The following NRF1 variants were observed in gnomAD, a reference collection of about 807,000 sequenced individuals.
The protein encoded by NRF1 is nuclear respiratory factor 1.
NRF1 carries 5 observed loss-of-function variants against 58.5 expected under a neutral mutation model. The observed-to-expected ratio is 0.09, with a 90% CI of 0.04 to 0.18. NRF1 has a LOEUF of 0.18. Among genes scored for constraint, NRF1 ranks in the 10% least tolerant of loss-of-function variants. NRF1 has a pLI of 1.00. For synonymous variants in NRF1, 224 were observed against 246.7 expected (o/e 0.91, Z 0.86); for missense variants, 288 against 657.7 (o/e 0.44, Z 6.15).
intron 9 of NRF1, among the ~76,000 whole-genome samples, chr7:129,720,559 C>T (rs757097650): frequency 6.6e-6 from 1 of 152,164 alleles, no homozygotes. Context: ...AAGCATGGTT[C>T]TCTAATAACC....
chr7:129,687,658 T>C (rs1160086248), intron 4 of NRF1, among the ~76,000 whole-genome samples: 3 of 152,232 alleles, frequency 2.0e-5, no homozygotes. Flanking sequence ...GAAATGGTGC[T>C]AAATGATTTG....
intron 8 of NRF1, among the ~76,000 whole-genome samples, chr7:129,714,112 A>C (rs1803135922): frequency 6.6e-6 from 1 of 152,240 alleles, no homozygotes; most frequent in Non-Finnish European, 1.5e-5. Flanking sequence ...GGAAATTCCG[A>C]AGAGATGCTG....
intron 1 of NRF1, among the ~76,000 whole-genome samples, chr7:129,624,920 A>G (rs1453976693): frequency 1.3e-5 from 2 of 152,150 alleles, no homozygotes; most frequent in Admixed American, 6.5e-5. Flanking sequence ...TTGGGAAGGC[A>G]ATAGGGAATG....
intron 1 of NRF1, among the ~76,000 whole-genome samples, chr7:129,631,004 C>A (rs1178345691): frequency 6.6e-6 from 1 of 152,072 alleles, no homozygotes; most frequent in Non-Finnish European, 1.5e-5. Context: ...ATGAAACACT[C>A]ATATGTTGTT....
intron 4 of NRF1, among the ~76,000 whole-genome samples, chr7:129,687,828 G>C (rs1278396701): frequency 6.6e-6 from 1 of 152,224 alleles, no homozygotes; most frequent in Non-Finnish European, 1.5e-5. Context: ...TGATAGATCA[G>C]ATAGAATTAA....
intron 2 of NRF1, among the ~76,000 whole-genome samples, chr7:129,664,922 T>G (rs768158868): frequency 2.0e-5 from 3 of 152,236 alleles, no homozygotes; most frequent in Admixed American, 6.5e-5. Flanking sequence ...AGTTTGTTTC[T>G]GAAGGAGCTT....
chr7:129,690,348 C>T, intron 4 of NRF1, 58 bp from the exon 5 acceptor site: 2 of 1,572,848 alleles, frequency 1.3e-6, no homozygotes, highest in Admixed American at 3.5e-5. Context: ...TGTTGCTTGG[C>T]ACCAATCCTC....
chr7:129,736,274 A>ATTTTTTTTTTTTTTTTTTTTTTTTTTTTT (rs61690883), intron 10 of NRF1, among the ~76,000 whole-genome samples: 1 of 97,960 alleles, frequency 1.0e-5, no homozygotes, highest in Non-Finnish European at 2.1e-5. Context: ...GCTCAATAGA[A>ATTTTTTTTTTTTTTTTTTTTTTTTTTTTT]TTTTTTTTTT....
At chr7:129,620,512 C>T (rs1231039123) in intron 1 of NRF1, among the ~76,000 whole-genome samples, 1 of 151,914 alleles carries the variant, frequency 6.6e-6, no homozygotes, top group African/African-American at 2.4e-5. Context: ...CCTCAGCCTC[C>T]CAAGCAGCTG....
chr7:129,749,824 GTTT>G (rs1025306147), intron 10 of NRF1, among the ~76,000 whole-genome samples: 2 of 146,254 alleles, frequency 1.4e-5, no homozygotes, highest in African/African-American at 2.5e-5. Context: ...CTGTGTTGAG[GTTT>G]TTTTTTTTAA....
At chr7:129,657,596 G>T in intron 2 of NRF1, 22 bp downstream of exon 2, 5 of 1,439,834 alleles carry the variant, frequency 3.5e-6, no homozygotes, top group Non-Finnish European at 4.8e-6. Flanking sequence ...TGGATTAGAA[G>T]CTCTTCTTTA....
At chr7:129,715,591 C>G (rs566176046) in intron 8 of NRF1, among the ~76,000 whole-genome samples, 1 of 152,112 alleles carries the variant, frequency 6.6e-6, no homozygotes, top group East Asian at 1.9e-4. Context: ...TAGGCATTTA[C>G]CCTATAAATA....
chr7:129,734,083 G>C (rs1445721830), intron 10 of NRF1, among the ~76,000 whole-genome samples: 1 of 152,040 alleles, frequency 6.6e-6, no homozygotes, highest in African/African-American at 2.4e-5. Flanking sequence ...CTCTGACCTA[G>C]GACATCAACA....
chr7:129,612,704 CTG>C (rs1051448717), intron 1 of NRF1, among the ~76,000 whole-genome samples: 7 of 152,156 alleles, frequency 4.6e-5, no homozygotes, highest in African/African-American at 1.7e-4. Context: ...GACAGGGGCT[CTG>C]AGATGGCCGT....
At chr7:129,754,335 C>T (rs894470255) in intron 10 of NRF1, among the ~76,000 whole-genome samples, 5 of 151,144 alleles carry the variant, frequency 3.3e-5, no homozygotes, top group African/African-American at 9.7e-5. Context: ...TGGTGGCACA[C>T]GCCTGTGGTT....
chr7:129,739,811 G>T (rs1803805612), intron 10 of NRF1, among the ~76,000 whole-genome samples: 1 of 152,130 alleles, frequency 6.6e-6, no homozygotes, highest in Admixed American at 6.6e-5. Flanking sequence ...TGCTGTAATG[G>T]ATTTATAGTA....
In NRF1 at chr7:129,663,862, C is replaced by T. The variant is rs538434499; in HGVS notation, c.223+6288C>T. Among the ~76,000 whole-genome samples, 287 of 152,310 alleles carry T rather than the reference C, an allele frequency of 1.9e-3. 3 individuals carry two copies. The highest frequency in any genetic ancestry group is 2.9e-3 in the Non-Finnish European group (194 of 68,018). ...ATTGAGCATTGAGTGAGCGAGACTC[C>T]GTCTGCAATCCCAGCACCTCGGGAG... is the stretch of plus-strand genomic sequence containing the variant. On this transcript the variant is annotated intron_variant, in intron 2 of 10. Transcript: ENST00000393232.
intron 1 of NRF1, among the ~76,000 whole-genome samples, chr7:129,617,640 G>A (rs1199599597): frequency 6.6e-6 from 1 of 152,016 alleles, no homozygotes; most frequent in East Asian, 1.9e-4. Flanking sequence ...GAAAGGTATG[G>A]GCTCAACTAG....
intron 2 of NRF1, among the ~76,000 whole-genome samples, chr7:129,669,697 G>A (rs186294407): frequency 5.9e-5 from 9 of 152,306 alleles, no homozygotes; most frequent in East Asian, 5.8e-4. Context: ...AACTAGTGGC[G>A]GTGAGGTCGT....
Sources: gnomAD v4.1 joint callset for allele counts (sites outside exome capture counted in the v4.1 genomes callset) on GRCh38, gnomAD v4.1.1 for gene constraint, MANE v1.5 for transcripts, NCBI Gene and HGNC (gene_info 2026-07-23, HGNC 2026-07-21) for gene names.